CNTNAP2: variants seen among roughly 807,000 people sequenced by gnomAD.
CNTNAP2 encodes contactin-associated protein-like 2.
CNTNAP2 carries 98 observed loss-of-function variants against 155.2 expected under a neutral mutation model. The observed-to-expected ratio is 0.63, with a 90% CI of 0.54 to 0.75. CNTNAP2 has a LOEUF of 0.75. CNTNAP2 is among the 30% of genes least tolerant of loss of function. CNTNAP2 has a pLI of 0.00. For synonymous variants in CNTNAP2, 651 were observed against 631.2 expected (o/e 1.03, Z -0.47); for missense variants, 1,727 against 1,688.1 (o/e 1.02, Z -0.40).
chr7:146,589,991 C>G (rs1015188500), intron 1 of CNTNAP2, among the ~76,000 whole-genome samples: 1 of 152,198 alleles, frequency 6.6e-6, no homozygotes, highest in African/African-American at 2.4e-5. Context: ...ACTCACATTA[C>G]TTTGGCCAGA....
chr7:146,864,288 A>C (rs1190904945), intron 3 of CNTNAP2, among the ~76,000 whole-genome samples: 2 of 152,146 alleles, frequency 1.3e-5, no homozygotes, highest in African/African-American at 4.8e-5. Context: ...CAGGAAAGTA[A>C]GTTTGGTTCA....
chr7:146,832,098 A>G (rs950115501), intron 2 of CNTNAP2, among the ~76,000 whole-genome samples: 1 of 152,174 alleles, frequency 6.6e-6, no homozygotes, highest in Non-Finnish European at 1.5e-5. Flanking sequence ...TCCACTTCTC[A>G]TAGATCACAT....
chr7:147,564,708 T>C (rs1166050467), intron 12 of CNTNAP2, among the ~76,000 whole-genome samples: 1 of 152,228 alleles, frequency 6.6e-6, no homozygotes, highest in East Asian at 1.9e-4. Flanking sequence ...CTCCTGTGCA[T>C]TGAACCCTTT....
intron 21 of CNTNAP2, among the ~76,000 whole-genome samples, chr7:148,311,498 G>T (rs1211899872): frequency 6.6e-6 from 1 of 152,160 alleles, no homozygotes; most frequent in Non-Finnish European, 1.5e-5. Context: ...AACTTCGTCA[G>T]GGTGAAAGTA....
intron 8 of CNTNAP2, among the ~76,000 whole-genome samples, chr7:147,177,355 G>A (rs181743682): frequency 6.6e-6 from 1 of 152,164 alleles, no homozygotes; most frequent in Non-Finnish European, 1.5e-5. Flanking sequence ...AGAGCTGATG[G>A]TTTTGTAAGG....
intron 15 of CNTNAP2, among the ~76,000 whole-genome samples, chr7:147,994,725 T>C (rs1020954829): frequency 1.3e-5 from 2 of 152,150 alleles, no homozygotes; most frequent in South Asian, 4.2e-4. Context: ...CCAATAAACC[T>C]CTTTCTTTTG....
intron 19 of CNTNAP2, among the ~76,000 whole-genome samples, chr7:148,227,604 A>G (rs1795876659): frequency 6.6e-6 from 1 of 152,200 alleles, no homozygotes; most frequent in Non-Finnish European, 1.5e-5. Flanking sequence ...GGGTGCCAAC[A>G]GAAAGCCTGT....
chr7:148,103,601 A>C (rs188467085), intron 15 of CNTNAP2, among the ~76,000 whole-genome samples: 101 of 152,002 alleles, frequency 6.6e-4, no homozygotes, highest in Admixed American at 1.6e-3. Flanking sequence ...CAGGATGATT[A>C]CGAGCAAAGC....
chr7:146,383,379 T>C (rs1052130481), intron 1 of CNTNAP2, among the ~76,000 whole-genome samples: 1 of 152,124 alleles, frequency 6.6e-6, no homozygotes, highest in Non-Finnish European at 1.5e-5. Flanking sequence ...CAGTATGGCA[T>C]ACTGGAAAGG....
chr7:147,650,127 G>A (rs145426876), intron 13 of CNTNAP2, among the ~76,000 whole-genome samples: 2,335 of 151,586 alleles, frequency 0.015, 191 homozygotes, highest in Admixed American at 0.14. Flanking sequence ...TAATTACATC[G>A]TAAAATGAAG....
intron 13 of CNTNAP2, among the ~76,000 whole-genome samples, chr7:147,764,401 C>A (rs185769082): frequency 7.2e-5 from 11 of 152,316 alleles, no homozygotes; most frequent in African/African-American, 2.2e-4. Context: ...ACTCCAAATA[C>A]CTAATTTCAC....
At chr7:146,702,258 A>G (rs1800890517) in intron 1 of CNTNAP2, among the ~76,000 whole-genome samples, 1 of 152,206 alleles carries the variant, frequency 6.6e-6, no homozygotes, top group Non-Finnish European at 1.5e-5. Context: ...TTATTCTATT[A>G]AACGGGTATA....
chr7:147,747,119 T>A (rs940386035), intron 13 of CNTNAP2, among the ~76,000 whole-genome samples: 9 of 152,226 alleles, frequency 5.9e-5, no homozygotes, highest in African/African-American at 2.2e-4. Context: ...TCTATCCACA[T>A]GAACTCACCG....
chr7:146,644,055 T>C (rs1456065491), intron 1 of CNTNAP2, among the ~76,000 whole-genome samples: 1 of 152,178 alleles, frequency 6.6e-6, no homozygotes, highest in African/African-American at 2.4e-5. Flanking sequence ...TTTAAGGAGA[T>C]TTTGGGCTGA....
At chr7:146,911,321 A>G (rs1478751543) in intron 3 of CNTNAP2, among the ~76,000 whole-genome samples, 1 of 152,110 alleles carries the variant, frequency 6.6e-6, no homozygotes, top group Non-Finnish European at 1.5e-5. Flanking sequence ...TACCCAAAGG[A>G]CTATAAATCA....
rs1795824451 is a variant in CNTNAP2 at position 146,408,582 on chromosome 7, T to A, written c.97+291609T>A. 2.2e-5 allele frequency among the ~76,000 whole-genome samples: 3 copies of A among 135,050 alleles called. No individual in the cohort carries two copies. In the Admixed American group the frequency reaches 2.5e-4, roughly 11 times the overall value. 88.6% of individuals were successfully genotyped at this position (135,050 alleles called of 152,430 possible). ...GGTGGCAATTGAACAATGAGAACACTTGGATACAGGAAGGGGAACATCACA... is the reference window on the plus strand; with the variant it reads ...GGTGGCAATTGAACAATGAGAACACATGGATACAGGAAGGGGAACATCACA... On this transcript the variant is annotated intron_variant, in intron 1 of 23. Transcript: ENST00000361727.
chr7:148,301,306 A>AAATATATATATATATATAT, intron 21 of CNTNAP2, among the ~76,000 whole-genome samples: 12 of 103,868 alleles, frequency 1.2e-4, no homozygotes, highest in Admixed American at 2.0e-4. Context: ...AAAAAAAAAA[A>AAATATATATATATATATAT]ATATATATAT....
intron 3 of CNTNAP2, among the ~76,000 whole-genome samples, chr7:146,889,726 C>G (rs1399856343): frequency 6.6e-6 from 1 of 152,048 alleles, no homozygotes; most frequent in Non-Finnish European, 1.5e-5. Context: ...AGTGTATAGA[C>G]TACGGAGAAC....
At chr7:147,878,258 T>G (rs1292859487) in intron 13 of CNTNAP2, among the ~76,000 whole-genome samples, 1 of 152,076 alleles carries the variant, frequency 6.6e-6, no homozygotes, top group Non-Finnish European at 1.5e-5. Context: ...ACCTAGTAAT[T>G]GTTCAGTAAA....
Sources: gnomAD v4.1 joint callset for allele counts (sites outside exome capture counted in the v4.1 genomes callset) on GRCh38, gnomAD v4.1.1 for gene constraint, MANE v1.5 for transcripts, NCBI Gene and HGNC (gene_info 2026-07-23, HGNC 2026-07-21) for gene names.